Variants in RANBP17 observed in about 807,000 individuals in gnomAD.
RANBP17 encodes RAN binding protein 17.
RANBP17 carries 158 observed loss-of-function variants against 141.2 expected under a neutral mutation model. The ratio of observed to expected loss-of-function variants is 1.12; its 90% CI spans 0.98 to 1.28. The LOEUF (loss-of-function observed/expected upper bound fraction) is 1.28, where lower values mean the gene tolerates loss of function less well. Among genes scored for constraint, RANBP17 ranks in the 50% most tolerant of loss-of-function variants. The probability of loss-of-function intolerance (pLI) is 0.00; values close to 1 mark genes in which losing one functional copy is unlikely to be tolerated. For synonymous variants in RANBP17, 430 were observed against 450.0 expected, an observed-to-expected ratio of 0.96 and a Z score of 0.56; for missense variants, 1,438 against 1,290.7, an observed-to-expected ratio of 1.11 and a Z score of -1.75.
rs369466737 is a variant in RANBP17 at position 171,162,519 on chromosome 5, C to T, written c.1711-7611C>T. ...AGGTGGTAGTTAGACCCTAGATCTGCTTGGGGGTGGGAGGAAAAGAATCTC... is the reference window on the plus strand; with the variant it reads ...AGGTGGTAGTTAGACCCTAGATCTGTTTGGGGGTGGGAGGAAAAGAATCTC... On this transcript the variant is annotated intron_variant, in intron 14 of 27. Transcript: ENST00000523189. Among the ~76,000 whole-genome samples the T allele has an allele frequency of 1.3e-3, 193 of 152,202 alleles. 9 individuals carry two copies. In the South Asian group the frequency reaches 0.039, roughly 30 times the overall value.
intron 24 of RANBP17, among the ~76,000 whole-genome samples, chr5:171,259,768 G>A (rs1038815689): frequency 1.3e-5 from 2 of 152,014 alleles, no homozygotes; most frequent in Non-Finnish European, 2.9e-5. Flanking sequence ...ATCACTTGAG[G>A]TCAGGAGTTT....
intron 12 of RANBP17, among the ~76,000 whole-genome samples, chr5:170,928,467 T>C (rs966678475): frequency 4.6e-5 from 7 of 152,106 alleles, no homozygotes; most frequent in Admixed American, 2.6e-4. Context: ...TAGTTTCAGC[T>C]ATTATATTGA....
chr5:171,231,118 T>TTTTA (rs1764182498), intron 22 of RANBP17, among the ~76,000 whole-genome samples: 2 of 148,750 alleles, frequency 1.3e-5, no homozygotes, highest in South Asian at 4.3e-4. Flanking sequence ...TTTTTTTTTT[T>TTTTA]GTAATTTTAA....
Position 171,207,640 on chromosome 5 carries a change from G to A in RANBP17, c.2231+2028G>A, listed in dbSNP as rs868607528. 2.6e-5 allele frequency: 4 copies of A among 152,118 alleles called. No individual in the cohort carries two copies. In the South Asian group the frequency reaches 8.3e-4, roughly 32 times the overall value. The allele number at this position is 152,118 out of a possible 1,614,324, so 9.4% of individuals were successfully genotyped here. A position where few individuals can be genotyped will look rare whatever the true frequency, so the allele number is the denominator to read the frequency against. ...GAAGCTGTGTTAGATTGCCAAATGG[G>A]GTGGTTTGGTACTGGCGTTGCTTAT... On this transcript the variant is annotated intron_variant, in intron 20 of 27. Transcript: ENST00000523189.
Position 170,953,694 on chromosome 5 carries a change from A to G in RANBP17, c.1566A>G (p.Leu522=). 1.3e-6 allele frequency: 2 copies of G among 1,591,458 alleles called. No homozygotes were observed. Among genetic ancestry groups the G allele is most frequent in the African/African-American group, 2.7e-5 (2 of 74,524 alleles). Residue 522 remains leucine (L), a synonymous_variant, in exon 13 of 28, where the codon TTA becomes TTG. Coordinates refer to ENST00000523189, the MANE Select transcript of RANBP17 (RefSeq NM_022897.5). The part of the protein sequence containing the change: ...TDEHDAMDGE[L]SCRVFQLISL... ...AGCATGATGCTATGGATGGAGAATT[A>G]TCCTGTCGGTAAGTAAGAGCTATGT... is the stretch of plus-strand genomic sequence containing the variant.
At chr5:170,996,809 T>G (rs1778846487) in intron 14 of RANBP17, among the ~76,000 whole-genome samples, 2 of 152,184 alleles carry the variant, frequency 1.3e-5, no homozygotes, top group African/African-American at 4.8e-5. Context: ...CATTTTGCAT[T>G]AGTTTCTATA....
intron 14 of RANBP17, among the ~76,000 whole-genome samples, chr5:170,991,373 A>T (rs1581334776): frequency 1.3e-5 from 2 of 151,994 alleles, no homozygotes; most frequent in Non-Finnish European, 2.9e-5. Context: ...TAAGACAATG[A>T]TGATTATTTA....
At chr5:170,865,418 A>G (rs905270993) in intron 1 of RANBP17, among the ~76,000 whole-genome samples, 1 of 152,130 alleles carries the variant, frequency 6.6e-6, no homozygotes, top group Non-Finnish European at 1.5e-5. Flanking sequence ...GCCCGAGGTC[A>G]CTTAATAAGT....
chr5:171,259,937 C>T (rs1051853346), intron 24 of RANBP17, among the ~76,000 whole-genome samples: 19 of 151,604 alleles, frequency 1.3e-4, no homozygotes, highest in African/African-American at 4.1e-4. Context: ...ACCGAGATTG[C>T]GCCACTGCAC....
intron 21 of RANBP17, 83 bp from the exon 22 acceptor site, chr5:171,221,675 A>C: frequency 1.3e-6 from 1 of 772,428 alleles, no homozygotes; most frequent in Non-Finnish European, 2.2e-6. Flanking sequence ...GCTACTTCTT[A>C]TAAATGAAAA....
At chr5:170,929,842 G>A (rs142875394) in intron 12 of RANBP17, among the ~76,000 whole-genome samples, 2 of 152,076 alleles carry the variant, frequency 1.3e-5, no homozygotes, top group East Asian at 1.9e-4. Flanking sequence ...GGGCCAAGAG[G>A]GTTTATAATT....
intron 14 of RANBP17, among the ~76,000 whole-genome samples, chr5:171,151,135 A>C (rs776930839): frequency 6.6e-6 from 1 of 152,250 alleles, no homozygotes; most frequent in Non-Finnish European, 1.5e-5. Flanking sequence ...GTCACTACCC[A>C]GAAATGTGAT....
intron 13 of RANBP17, among the ~76,000 whole-genome samples, chr5:170,955,218 T>G (rs1040029957): frequency 6.6e-6 from 1 of 152,068 alleles, no homozygotes; most frequent in Non-Finnish European, 1.5e-5. Flanking sequence ...TGTATGATAG[T>G]TAACATTTGT....
At chr5:171,012,377 A>G (rs1023449228) in intron 14 of RANBP17, among the ~76,000 whole-genome samples, 1 of 150,808 alleles carries the variant, frequency 6.6e-6, no homozygotes, top group Non-Finnish European at 1.5e-5. Context: ...GTATTTATCC[A>G]AGGTAAAATT....
At position 171,037,595 on chromosome 5, in the gene RANBP17, C is replaced by T. The variant is rs140956901; in HGVS notation, c.1710+69218C>T. Among the ~76,000 whole-genome samples, 305 of 152,146 alleles carry T rather than the reference C, an allele frequency of 2.0e-3. 1 individual carries two copies. The highest frequency in any genetic ancestry group is 7.0e-3 in the African/African-American group (290 of 41,540). ...AGGTCTTATATTAAAATCTGTTAATCGGTCGAGTTAATTTTTGTATATGGT... is the reference window on the plus strand; with the variant it reads ...AGGTCTTATATTAAAATCTGTTAATTGGTCGAGTTAATTTTTGTATATGGT... On this transcript the variant is annotated intron_variant, in intron 14 of 27. Transcript: ENST00000523189.
At chr5:171,251,606 GATAT>G (rs903050499) in intron 24 of RANBP17, among the ~76,000 whole-genome samples, 6 of 152,166 alleles carry the variant, frequency 3.9e-5, no homozygotes, top group Admixed American at 3.9e-4. Context: ...AAACCTGTGG[GATAT>G]AGTAAAAGCA....
At chr5:171,211,952 G>T (rs570375993) in intron 20 of RANBP17, among the ~76,000 whole-genome samples, 4 of 152,260 alleles carry the variant, frequency 2.6e-5, no homozygotes, top group Admixed American at 2.0e-4. Flanking sequence ...ATAGCAACAA[G>T]TATGTATTGA....
At chr5:171,171,159 A>T (rs373964915) in intron 15 of RANBP17, 47 bp from the exon 16 acceptor site, 65 of 1,031,510 alleles carry the variant, frequency 6.3e-5, no homozygotes, top group Middle Eastern at 2.9e-4. Context: ...TTCTCCTTAG[A>T]CAAGCAAATA....
intron 4 of RANBP17, among the ~76,000 whole-genome samples, chr5:170,895,302 T>C (rs943901118): frequency 7.2e-5 from 11 of 152,216 alleles, no homozygotes; most frequent in African/African-American, 2.7e-4. Context: ...TTAAAAATGA[T>C]TGCAATGTAA....
Sources: allele counts gnomAD v4.1 joint callset (sites outside exome capture counted in the v4.1 genomes callset), GRCh38; gene constraint gnomAD v4.1.1; transcripts MANE v1.5; gene names NCBI Gene and HGNC (gene_info 2026-07-23, HGNC 2026-07-21).